Variants in DAPK1 observed in about 807,000 individuals in gnomAD.
DAPK1 encodes death associated protein kinase 1, also known as death-associated protein kinase 1.
DAPK1 carries 56 observed loss-of-function variants against 144.9 expected under a neutral mutation model. That is an observed-to-expected ratio of 0.39 (90% CI 0.31 to 0.48). The LOEUF (loss-of-function observed/expected upper bound fraction) is 0.48, where lower values mean the gene tolerates loss of function less well. Among genes scored for constraint, DAPK1 ranks in the 20% least tolerant of loss-of-function variants. DAPK1 has a pLI of 0.95. For missense variants in DAPK1, 1,454 were observed against 1,875.4 expected (o/e 0.78, Z 4.15); for synonymous variants, 690 against 749.0 (o/e 0.92, Z 1.29).
chr9:87,663,156 C>A (rs923510382), intron 18 of DAPK1, among the ~76,000 whole-genome samples: 1 of 152,064 alleles, frequency 6.6e-6, no homozygotes, highest in African/African-American at 2.4e-5. Context: ...TTGTCCTTGC[C>A]TCCCCTACTC....
chr9:87,643,281 C>G, intron 10 of DAPK1, 95 bp from the exon 11 acceptor site: 2 of 702,262 alleles, frequency 2.8e-6, no homozygotes, highest in Non-Finnish European at 4.7e-6. Context: ...CGTTTGTACT[C>G]ATTTGACAAT....
At chr9:87,681,126 A>G (rs927137698) in intron 19 of DAPK1, among the ~76,000 whole-genome samples, 1 of 151,990 alleles carries the variant, frequency 6.6e-6, no homozygotes, top group African/African-American at 2.4e-5. Flanking sequence ...TAAAAACACA[A>G]AATTAGCTGG....
At chr9:87,576,911 T>C (rs1039249589) in intron 2 of DAPK1, among the ~76,000 whole-genome samples, 2 of 152,124 alleles carry the variant, frequency 1.3e-5, no homozygotes, top group Non-Finnish European at 1.5e-5. Flanking sequence ...GCCCTCCTTA[T>C]AGCACTGCTG....
chr9:87,682,933 AGT>A (rs2117856965), intron 20 of DAPK1, among the ~76,000 whole-genome samples: 1 of 152,188 alleles, frequency 6.6e-6, no homozygotes, highest in Non-Finnish European at 1.5e-5. Context: ...TCCATTTTCC[AGT>A]GTGATTTTTT....
intron 2 of DAPK1, chr9:87,554,351 T>C (rs1826619710): frequency 6.6e-6 from 1 of 152,184 alleles, no homozygotes; most frequent in African/African-American, 2.4e-5. Context: ...ATTATTCTCA[T>C]CTTCTGCAAT....
rs115011211 is a variant in DAPK1, at chr9:87,520,444, T to C, written c.62+21305T>C. ...AGCTGGAGACAGCAGTTTTCAGCTCTGTGGAACTCTTGTTCTCTGGGTTGC... is the reference window on the plus strand; with the variant it reads ...AGCTGGAGACAGCAGTTTTCAGCTCCGTGGAACTCTTGTTCTCTGGGTTGC... On this transcript the variant is annotated intron_variant, in intron 2 of 25. Coordinates refer to ENST00000408954, the MANE Select transcript of DAPK1 (RefSeq NM_004938.4). 1.3e-3 allele frequency among the ~76,000 whole-genome samples: 204 copies of C among 152,304 alleles called. 1 individual carries two copies. The highest frequency in any genetic ancestry group is 4.5e-3 in the African/African-American group (187 of 41,566).
chr9:87,662,560 GTTT>G (rs71507734), intron 18 of DAPK1, among the ~76,000 whole-genome samples: 15 of 32,152 alleles, frequency 4.7e-4, no homozygotes, highest in East Asian at 9.2e-4. Flanking sequence ...TATATTCCTA[GTTT>G]TTTTTTTTTT....
At chr9:87,531,901 C>G (rs943155195) in intron 2 of DAPK1, among the ~76,000 whole-genome samples, 1 of 152,140 alleles carries the variant, frequency 6.6e-6, no homozygotes, top group African/African-American at 2.4e-5. Context: ...CTCCATGTGC[C>G]CCCTGGGCTG....
In DAPK1 at chr9:87,706,059, T is replaced by TA; in HGVS notation, c.3061-72dup. 8.8e-7 allele frequency: 1 copy of TA among 1,130,730 alleles called. No individual in the cohort carries two copies. Among genetic ancestry groups the TA allele is most frequent in the Admixed American group, 2.0e-5 (1 of 49,174 alleles). 70.0% of individuals were successfully genotyped at this position (1,130,730 alleles called of 1,614,324 possible). A position where few individuals can be genotyped will look rare whatever the true frequency, so the allele number is the denominator to read the frequency against. On this transcript the variant is annotated intron_variant, in intron 25 of 25. Transcript: ENST00000408954. This position sits in a 1 kb window ranked among gnomAD's most constrained non-coding sequence, Gnocchi z 9.0. Reference sequence around the variant, plus strand: ...CCTCTGTTGCCGGCATCAGGCCCTTTAGTGCTCTAAGTGGCTGGTGCACCT... The same window carrying TA: ...CCTCTGTTGCCGGCATCAGGCCCTTTAAGTGCTCTAAGTGGCTGGTGCACCT...
chr9:87,685,152 C>T (rs1824792344), intron 20 of DAPK1, among the ~76,000 whole-genome samples: 1 of 152,198 alleles, frequency 6.6e-6, no homozygotes, highest in Non-Finnish European at 1.5e-5. Context: ...CTTTTGTTTT[C>T]TATTTACATT....
At chr9:87,516,981 AG>A (rs1380122941) in intron 2 of DAPK1, among the ~76,000 whole-genome samples, 1 of 152,076 alleles carries the variant, frequency 6.6e-6, no homozygotes, top group Non-Finnish European at 1.5e-5. Flanking sequence ...GGAGTCATAG[AG>A]GGGGGTCACC....
chr9:87,616,165 T>C (rs1455702224), intron 3 of DAPK1, among the ~76,000 whole-genome samples: 1 of 152,248 alleles, frequency 6.6e-6, no homozygotes, highest in Non-Finnish European at 1.5e-5. Context: ...TCTTAGCATT[T>C]CCATGAAGTT....
At chr9:87,691,784 C>T (rs1825062403) in intron 21 of DAPK1, among the ~76,000 whole-genome samples, 1 of 152,026 alleles carries the variant, frequency 6.6e-6, no homozygotes, top group Non-Finnish European at 1.5e-5. Context: ...TGTATTTGTA[C>T]AGTTTCCAAA....
intron 2 of DAPK1, among the ~76,000 whole-genome samples, chr9:87,551,586 C>T (rs1826486683): frequency 6.6e-6 from 1 of 152,152 alleles, no homozygotes; most frequent in Non-Finnish European, 1.5e-5. Flanking sequence ...ACAGTAGTGA[C>T]AGTGGATGAA....
intron 2 of DAPK1, among the ~76,000 whole-genome samples, chr9:87,569,408 G>A (rs1827252801): frequency 6.6e-6 from 1 of 152,204 alleles, no homozygotes; most frequent in African/African-American, 2.4e-5. Flanking sequence ...CGAGACTCAG[G>A]TGATCATTGA....
intron 3 of DAPK1, among the ~76,000 whole-genome samples, chr9:87,625,153 C>G (rs538786772): frequency 6.6e-6 from 1 of 151,890 alleles, no homozygotes; most frequent in Non-Finnish European, 1.5e-5. Context: ...CTCACAGAAA[C>G]AGTTTGTTAA....
At chr9:87,640,494 C>A (rs1212815137) in intron 8 of DAPK1, 44 bp downstream of exon 8, 1 of 1,595,688 alleles carries the variant, frequency 6.3e-7, no homozygotes, top group Non-Finnish European at 8.6e-7. Flanking sequence ...ACGGCCTCAG[C>A]CAGCCCAGAG....
intron 2 of DAPK1, 43 bp downstream of exon 2, chr9:87,499,182 T>G (rs747732889): frequency 6.6e-7 from 1 of 1,517,774 alleles, no homozygotes; most frequent in Non-Finnish European, 9.2e-7. Context: ...ATTGTGGAAA[T>G]GCATAACGAT....
Position 87,571,476 on chromosome 9 carries a change from A to ACCCCC in DAPK1, c.63-33478_63-33477insCCCCC, listed in dbSNP as rs771023885. On this transcript the variant is annotated intron_variant, in intron 2 of 25. Coordinates refer to ENST00000408954, the MANE Select transcript of DAPK1 (RefSeq NM_004938.4). ...ACACACACACACACACACACACACC[A>ACCCCC]ACACACACACACACACACCCCAACA... 1.5e-3 allele frequency among the ~76,000 whole-genome samples: 71 copies of ACCCCC among 48,546 alleles called. 6 individuals carry two copies. Among genetic ancestry groups the ACCCCC allele is most frequent in the South Asian group, 3.0e-3 (3 of 1,016 alleles). The allele number at this position is 48,546 out of a possible 152,430, so 31.8% of individuals were successfully genotyped here. A position where few individuals can be genotyped will look rare whatever the true frequency, so the allele number is the denominator to read the frequency against.
Sources: gnomAD v4.1 joint callset for allele counts (sites outside exome capture counted in the v4.1 genomes callset) on GRCh38, gnomAD v4.1.1 for gene constraint, Gnocchi (gnomAD v3.1) non-coding constraint, MANE v1.5 for transcripts, NCBI Gene and HGNC (gene_info 2026-07-23, HGNC 2026-07-21) for gene names.